Variants in NPC1 observed in about 807,000 individuals in gnomAD.
The protein encoded by NPC1 is NPC intracellular cholesterol transporter 1.
NPC1 carries 85 observed loss-of-function variants against 140.4 expected under a neutral mutation model. The observed-to-expected ratio is 0.61, with a 90% confidence interval of 0.51 to 0.72. The LOEUF (loss-of-function observed/expected upper bound fraction) is 0.72, where lower values mean the gene tolerates loss of function less well. Among genes scored for constraint, NPC1 ranks in the 30% least tolerant of loss-of-function variants. The pLI is 0.00. For missense variants in NPC1, 1,504 were observed against 1,623.8 expected (o/e 0.93, Z 1.27); for synonymous variants, 656 against 624.8 (o/e 1.05, Z -0.74).
At position 23,543,544 on chromosome 18, in the gene NPC1, G is replaced by A; in HGVS notation, c.2156C>T (p.Thr719Ile). ...GACCCTGCCCAGCTGCTGATCCAGG[G>A]TTTCCCCTTGAAGACGTTCATCTCT... ...YQRDERLQGE[T>I]LDQQLGRVLG... Residue 719 changes from threonine to isoleucine, a missense_variant, in exon 14 of 25, where the codon ACC becomes ATC. Coordinates refer to ENST00000269228, the MANE Select transcript of NPC1 (RefSeq NM_000271.5). The A allele has an allele frequency of 6.2e-7, 1 of 1,605,508 alleles. No homozygotes were observed. Among genetic ancestry groups the A allele is most frequent in the Non-Finnish European group, 8.5e-7 (1 of 1,175,472 alleles).
rs749547942 is a variant in NPC1 at position 23,543,539 on chromosome 18, C to T, written c.2161G>A (p.Asp721Asn). ...CCTAGGACCCTGCCCAGCTGCTGAT[C>T]CAGGGTTTCCCCTTGAAGACGTTCA... is the stretch of plus-strand genomic sequence containing the variant. ...RDERLQGETL[D>N]QQLGRVLGEV... The change falls in exon 14 of 25, where the codon GAT (aspartate) becomes AAT (asparagine). Residue 721 changes from aspartate to asparagine, a missense_variant. Transcript: ENST00000269228. 1.1e-5 allele frequency: 18 copies of T among 1,605,374 alleles called. No individual in the cohort carries two copies.
At chr18:23,532,695 C>CTTTTTTTTTTTTTTTTTTTTT (rs61493442) in intron 24 of NPC1, among the ~76,000 whole-genome samples, 4 of 136,840 alleles carry the variant, frequency 2.9e-5, no homozygotes, top group African/African-American at 5.4e-5. Flanking sequence ...GTGCTCATCT[C>CTTTTTTTTTTTTTTTTTTTTT]TTTTTTTTTT....
At chr18:23,522,062 C>T (rs577628450), downstream of NPC1, among the ~76,000 whole-genome samples, 27 of 152,312 alleles carry the variant, frequency 1.8e-4, no homozygotes, top group African/African-American at 4.1e-4. Flanking sequence ...ACCGTTCACC[C>T]GGGAGTTCAG....
chr18:23,548,733 T>C (rs2058825395), intron 10 of NPC1, among the ~76,000 whole-genome samples: 2 of 152,232 alleles, frequency 1.3e-5, no homozygotes, highest in Non-Finnish European at 2.9e-5. Flanking sequence ...AAATAGCCTA[T>C]AAATATTTTA....
At chr18:23,526,823 A>G (rs2058311567), downstream of NPC1, 9 of 1,582,164 alleles carry the variant, frequency 5.7e-6, no homozygotes, top group Admixed American at 1.6e-4. Flanking sequence ...GCTGCCCAAC[A>G]CTTTTTATCG....
At chr18:23,538,792 A>C in intron 19 of NPC1, 121 bp from the exon 20 acceptor site, 2 of 1,040,916 alleles carry the variant, frequency 1.9e-6, no homozygotes, top group South Asian at 1.3e-5. Context: ...TTTCCTTACT[A>C]GTGAGGGATA....
chr18:23,567,745 T>G (rs2059146632), intron 4 of NPC1, among the ~76,000 whole-genome samples: 1 of 152,342 alleles, frequency 6.6e-6, no homozygotes, highest in Non-Finnish European at 1.5e-5. Context: ...TACTACGTAC[T>G]GCAAAGTTGT....
chr18:23,570,891 A>G (rs559809487), intron 3 of NPC1, among the ~76,000 whole-genome samples: 1 of 152,322 alleles, frequency 6.6e-6, no homozygotes, highest in East Asian at 1.9e-4. Context: ...GGCCGGCTCT[A>G]CTGAGGACCT....
intron 6 of NPC1, among the ~76,000 whole-genome samples, chr18:23,559,335 T>G (rs1481833737): frequency 6.6e-6 from 1 of 152,136 alleles, no homozygotes; most frequent in Non-Finnish European, 1.5e-5. Flanking sequence ...AGGATACACA[T>G]AAATTCTACC....
rs759005000 is a variant in NPC1 at position 23,573,529 on chromosome 18, A to G, written c.103T>C (p.Tyr35His). The change falls in exon 2 of 25, where the codon TAT (tyrosine) becomes CAT (histidine). Residue 35 changes from tyrosine to histidine, a missense_variant. By Grantham distance (83) the Tyr-to-His change is moderately conservative. Coordinates refer to ENST00000269228, the MANE Select transcript of NPC1 (RefSeq NM_000271.5). The part of the protein sequence containing the change: ...CVWYGECGIA[Y>H]GDKRYNCEYS... ...TCGCAATTGTACCTCTTGTCCCCAT[A>G]TGCAATTCCACACTCTCCATACCAA... 7 of 1,614,042 alleles carry G rather than the reference A, an allele frequency of 4.3e-6. No homozygotes were observed. The highest frequency in any genetic ancestry group is 1.7e-5 in the Admixed American group (1 of 60,004).
At chr18:23,525,505 A>T (rs943768280), downstream of NPC1, among the ~76,000 whole-genome samples, 7 of 151,018 alleles carry the variant, frequency 4.6e-5, no homozygotes, top group African/African-American at 1.7e-4. Flanking sequence ...GCTCACTGCA[A>T]CCTCCAACTC....
At position 23,568,872 on chromosome 18, in the gene NPC1, T is replaced by C; in HGVS notation, c.414A>G (p.Lys138=). 1 of 1,614,142 alleles carries C rather than the reference T, an allele frequency of 6.2e-7. No homozygotes were observed. ...DYVDPVTNQT[K]TNVKELQYYV... is the part of the protein sequence containing the mutation. ...AGTATTGTAACTCTTTCACATTTGT[T>C]TTCGTCTGGTTTGTAACAGGATCAA... Residue 138 remains lysine (K), a synonymous_variant, in exon 4 of 25, where the codon AAA becomes AAG. Transcript: ENST00000269228.
At chr18:23,567,439 G>A (rs1045476815) in intron 4 of NPC1, among the ~76,000 whole-genome samples, 1 of 152,170 alleles carries the variant, frequency 6.6e-6, no homozygotes, top group African/African-American at 2.4e-5. Flanking sequence ...GCCTTCTTTG[G>A]TGAGGTATCT....
intron 1 of NPC1, chr18:23,576,362 C>T: frequency 2.3e-6 from 1 of 432,050 alleles, no homozygotes; most frequent in Non-Finnish European, 3.1e-6. Flanking sequence ...GTTGAGGCTG[C>T]AGTGAGCTGA....
chr18:23,582,806 GAAA>G (rs5823397), intron 1 of NPC1, among the ~76,000 whole-genome samples: 7 of 138,070 alleles, frequency 5.1e-5, no homozygotes, highest in Non-Finnish European at 4.7e-5. Context: ...ACCTGGTCTT[GAAA>G]AAAAAAAAAA....
In NPC1 at chr18:23,544,944, C is replaced by CCCCCCT. The variant is rs1555634626; in HGVS notation, c.1947+15_1947+16insAGGGGG. 2 of 850,772 alleles carry CCCCCCT rather than the reference C, an allele frequency of 2.4e-6. No individual in the cohort carries two copies. Among genetic ancestry groups the CCCCCCT allele is most frequent in the East Asian group, 6.8e-5 (2 of 29,466 alleles). The allele number at this position is 850,772 out of a possible 1,614,324, so 52.7% of individuals were successfully genotyped here. A position where few individuals can be genotyped will look rare whatever the true frequency, so the allele number is the denominator to read the frequency against. ...CTGTTAACCTCTAGAACATACACCA[C>CCCCCCT]CCCCCCCCGGCTTACCAGAAGCCTG... On this transcript the variant is annotated intron_variant, in intron 12 of 24. Coordinates refer to ENST00000269228, the MANE Select transcript of NPC1 (RefSeq NM_000271.5).
Position 23,531,508 on chromosome 18 carries a change from C to CA in NPC1, c.*693dup. 6.7e-7 allele frequency: 1 copy of CA among 1,493,026 alleles called. No individual in the cohort carries two copies. Among genetic ancestry groups the CA allele is most frequent in the Non-Finnish European group, 8.9e-7 (1 of 1,129,050 alleles). The allele number at this position is 1,493,026 out of a possible 1,614,324, so 92.5% of individuals were successfully genotyped here. ...AGGGTAACCCCAAAACTTAGGAAAA[C>CA]AATGTATTTTATTAAAGAAAAATAA... On this transcript the variant is annotated 3_prime_UTR_variant, in exon 25 of 25. Coordinates refer to ENST00000269228, the MANE Select transcript of NPC1 (RefSeq NM_000271.5).
intron 1 of NPC1, chr18:23,524,034 A>C (rs746714905): frequency 7.7e-7 from 1 of 1,293,458 alleles, no homozygotes; most frequent in Non-Finnish European, 1.1e-6. Context: ...AACATTTCGT[A>C]ATGACATTAA....
Position 23,515,989 on chromosome 18 carries a change from A to G in NPC1, c.432-9347T>C, listed in dbSNP as rs149489770. The G allele has an allele frequency of 9.2e-4, 1,491 of 1,613,720 alleles. 2 individuals carry two copies. The highest frequency in any genetic ancestry group is 1.2e-3 in the Non-Finnish European group (1,402 of 1,179,980). Reference sequence around the variant, plus strand: ...CTGGAGAATGTCCTGCAGCCTTTTCACTTTAGGGTAAGAGGAAGCCTCCCC... The same window carrying G: ...CTGGAGAATGTCCTGCAGCCTTTTCGCTTTAGGGTAAGAGGAAGCCTCCCC... On this transcript the variant is annotated intron_variant, in intron 3 of 3. Transcript: ENST00000591107.
Sources: gnomAD v4.1 joint callset for allele counts (sites outside exome capture counted in the v4.1 genomes callset) on GRCh38, gnomAD v4.1.1 for gene constraint, MANE v1.5 for transcripts, NCBI Gene and HGNC (gene_info 2026-07-23, HGNC 2026-07-21) for gene names.